Variants in MAGI2 observed in about 807,000 individuals in gnomAD.
MAGI2 encodes the protein membrane-associated guanylate kinase, WW and PDZ domain-containing protein 2.
A neutral mutation model predicts 133.3 loss-of-function variants in MAGI2; 35 were observed. The observed-to-expected ratio is 0.26, with a 90% CI of 0.20 to 0.35. MAGI2 has a LOEUF of 0.35. Among genes scored for constraint, MAGI2 ranks in the 10% least tolerant of loss-of-function variants. MAGI2 has a pLI of 1.00. For missense variants in MAGI2, 1,636 were observed against 1,863.4 expected, an observed-to-expected ratio of 0.88 and a Z score of 2.25; for synonymous variants, 729 against 710.6, an observed-to-expected ratio of 1.03 and a Z score of -0.41.
At position 78,584,441 on chromosome 7, in the gene MAGI2, A is replaced by C. The variant is rs1049629129; in HGVS notation, c.538+42679T>G. ...TCTCAGAAAAAAAAAAAAAAAAAAA[A>C]AAAAAAAAAGAAACAAAGACGTTAG... On this transcript the variant is annotated intron_variant, in intron 3 of 21. Coordinates refer to ENST00000354212, the MANE Select transcript of MAGI2 (RefSeq NM_012301.4). Among the ~76,000 whole-genome samples, 17 of 145,902 alleles carry C rather than the reference A, an allele frequency of 1.2e-4. No homozygotes were observed. In the East Asian group the frequency reaches 2.4e-3, roughly 20 times the overall value.
At chr7:78,696,921 G>A (rs1158138514) in intron 2 of MAGI2, among the ~76,000 whole-genome samples, 1 of 152,116 alleles carries the variant, frequency 6.6e-6, no homozygotes, top group African/African-American at 2.4e-5. Flanking sequence ...CAGTTCTAGA[G>A]ACCACCAATC....
chr7:79,321,697 GTGT>G (rs940368580), intron 1 of MAGI2, among the ~76,000 whole-genome samples: 4 of 152,272 alleles, frequency 2.6e-5, no homozygotes, highest in Admixed American at 6.5e-5. Context: ...TTTTCAATAA[GTGT>G]TGTTGGAGAC....
At chr7:78,020,182 C>T (rs1325913863) in intron 21 of MAGI2, among the ~76,000 whole-genome samples, 3 of 149,494 alleles carry the variant, frequency 2.0e-5, no homozygotes, top group African/African-American at 7.3e-5. Context: ...CCCCGCTTAG[C>T]CCCCACGCCC....
At chr7:78,141,386 C>G (rs914766980) in intron 16 of MAGI2, among the ~76,000 whole-genome samples, 1 of 152,152 alleles carries the variant, frequency 6.6e-6, no homozygotes, top group African/African-American at 2.4e-5. Flanking sequence ...ATTCTGCCTT[C>G]ATATGTTTTA....
intron 2 of MAGI2, among the ~76,000 whole-genome samples, chr7:78,921,615 T>G (rs927912461): frequency 2.6e-5 from 4 of 151,872 alleles, no homozygotes; most frequent in Admixed American, 6.6e-5. Flanking sequence ...TATATGAGAT[T>G]TATCACTTTT....
At chr7:78,506,021 C>T (rs1251783697) in intron 4 of MAGI2, among the ~76,000 whole-genome samples, 1 of 152,144 alleles carries the variant, frequency 6.6e-6, no homozygotes, top group African/African-American at 2.4e-5. Context: ...AGCAAAGATA[C>T]TGCTATGTTC....
chr7:79,063,494 C>G (rs1006784723), intron 1 of MAGI2, among the ~76,000 whole-genome samples: 2 of 151,974 alleles, frequency 1.3e-5, no homozygotes, highest in African/African-American at 2.4e-5. Context: ...TCCTAACACC[C>G]CTAGTGGCCA....
chr7:78,048,441 G>T (rs3807770), intron 21 of MAGI2, among the ~76,000 whole-genome samples: 139,822 of 152,160 alleles, frequency 0.92, 64,263 homozygotes, highest in East Asian at 0.96. Context: ...CTTCTTCCTC[G>T]TTGTTCCTCA....
At chr7:79,210,446 C>T (rs1829411231) in intron 1 of MAGI2, among the ~76,000 whole-genome samples, 1 of 151,932 alleles carries the variant, frequency 6.6e-6, no homozygotes, top group Non-Finnish European at 1.5e-5. Context: ...TGTGTGTTTC[C>T]CAGTCTCCTC....
intron 1 of MAGI2, among the ~76,000 whole-genome samples, chr7:79,053,073 C>T (rs940386507): frequency 3.9e-5 from 6 of 151,968 alleles, no homozygotes; most frequent in South Asian, 2.1e-4. Context: ...CCCGGGTTCA[C>T]GCCATTCTCC....
At chr7:78,254,279 T>C (rs543478855) in intron 10 of MAGI2, 1 of 152,186 alleles carries the variant, frequency 6.6e-6, no homozygotes, top group Non-Finnish European at 1.5e-5. Flanking sequence ...GAAGAAGCTG[T>C]ATATAAAAAA....
intron 2 of MAGI2, among the ~76,000 whole-genome samples, chr7:78,914,942 G>T (rs1798677863): frequency 6.6e-6 from 1 of 152,118 alleles, no homozygotes; most frequent in Admixed American, 6.6e-5. Flanking sequence ...GAAACTATCA[G>T]AATAGCGGGT....
intron 12 of MAGI2, among the ~76,000 whole-genome samples, chr7:78,187,780 G>A (rs867094883): frequency 3.3e-5 from 5 of 152,196 alleles, no homozygotes; most frequent in Middle Eastern, 3.4e-3. Flanking sequence ...CCTTCGAAAC[G>A]CTTCCATTAG....
intron 1 of MAGI2, among the ~76,000 whole-genome samples, chr7:79,159,597 A>G (rs1210421183): frequency 5.3e-5 from 8 of 151,986 alleles, no homozygotes; most frequent in Admixed American, 5.3e-4. Flanking sequence ...AATACACACT[A>G]ATACAAAACT....
chr7:79,316,456 T>C (rs557287692), intron 1 of MAGI2, among the ~76,000 whole-genome samples: 2 of 152,290 alleles, frequency 1.3e-5, no homozygotes, highest in South Asian at 2.1e-4. Flanking sequence ...TACACACACA[T>C]ATATGTGCAC....
chr7:78,664,497 G>A (rs111325193), intron 2 of MAGI2, among the ~76,000 whole-genome samples: 3 of 151,950 alleles, frequency 2.0e-5, no homozygotes, highest in African/African-American at 7.2e-5. Flanking sequence ...GTAATTGAAA[G>A]AACTTTCATA....
chr7:78,279,757 T>C (rs1795380089), intron 9 of MAGI2, among the ~76,000 whole-genome samples: 1 of 152,124 alleles, frequency 6.6e-6, no homozygotes, highest in African/African-American at 2.4e-5. Context: ...TTCCTTCCCA[T>C]TGAGGCTACA....
intron 10 of MAGI2, among the ~76,000 whole-genome samples, chr7:78,240,226 A>G (rs906538494): frequency 1.3e-5 from 2 of 152,156 alleles, no homozygotes; most frequent in African/African-American, 2.4e-5. Flanking sequence ...GAGTGAGAAC[A>G]TGTGGTGTTT....
intron 2 of MAGI2, among the ~76,000 whole-genome samples, chr7:78,902,177 C>T (rs1370301554): frequency 6.6e-6 from 1 of 152,132 alleles, no homozygotes; most frequent in African/African-American, 2.4e-5. Flanking sequence ...AAAAGCTATA[C>T]TACTTGCTCC....
Sources: gnomAD v4.1 joint callset for allele counts (sites outside exome capture counted in the v4.1 genomes callset) on GRCh38, gnomAD v4.1.1 for gene constraint, MANE v1.5 for transcripts, NCBI Gene and HGNC (gene_info 2026-07-23, HGNC 2026-07-21) for gene names.